The following YY1AP1 variants were observed in gnomAD, a reference collection of about 807,000 sequenced individuals.
YY1AP1 encodes the protein YY1-associated protein 1.
YY1AP1 carries 43 observed loss-of-function variants against 39.9 expected under a neutral mutation model. That is an observed-to-expected ratio of 1.08 (90% CI 0.84 to 1.39). The LOEUF (loss-of-function observed/expected upper bound fraction) is 1.39. Among genes scored for constraint, YY1AP1 ranks in the 40% most tolerant of loss-of-function variants. YY1AP1 has a pLI of 0.00. For missense variants in YY1AP1, 813 were observed against 900.7 expected (o/e 0.90, Z 1.25); for synonymous variants, 292 against 331.3 (o/e 0.88, Z 1.29).
At chr1:155,688,281 A>G (rs747330339) in intron 1 of YY1AP1, 80 bp from the exon 2 acceptor site, 7 of 1,588,038 alleles carry the variant, frequency 4.4e-6, no homozygotes, top group East Asian at 2.3e-5. Flanking sequence ...CCCGCAACCG[A>G]CACTGGGATC....
rs544125984 is a variant in YY1AP1, at chr1:155,660,079, A to C, written c.1831T>G (p.Ser611Ala). The change falls in exon 11 of 11, where the codon TCC (serine) becomes GCC (alanine). Residue 611 changes from serine (S) to alanine (A), a missense_variant. By Grantham distance (99) the Ser-to-Ala change is moderately conservative. Coordinates refer to ENST00000355499, the MANE Select transcript of YY1AP1 (RefSeq NM_139119.3). Reference sequence around the variant, plus strand: ...GAAACAATTAAGGGTGAGACAGAGGAGGCCACAAGGGGCTGGTTCAATGGA... The same window carrying C: ...GAAACAATTAAGGGTGAGACAGAGGCGGCCACAAGGGGCTGGTTCAATGGA... ...PCPLNQPLVA[S>A]SVSPLIVSGN... The C allele has an allele frequency of 9.3e-6, 15 of 1,614,206 alleles. No homozygotes were observed. The highest frequency in any genetic ancestry group is 3.3e-5 in the South Asian group (3 of 91,076).
At chr1:155,672,362 C>T in intron 7 of YY1AP1, 198 bp downstream of exon 7, 1 of 864,438 alleles carries the variant, frequency 1.2e-6, no homozygotes, top group Non-Finnish European at 1.9e-6. Context: ...CATGCCTTAC[C>T]CAGGCCCGGA....
chr1:155,679,919 G>C, intron 3 of YY1AP1: 1 of 435,146 alleles, frequency 2.3e-6, no homozygotes. Context: ...AAGATGTGCT[G>C]GCTCACACCT....
intron 9 of YY1AP1, among the ~76,000 whole-genome samples, chr1:155,666,275 C>A (rs1303442832): frequency 6.6e-6 from 1 of 152,078 alleles, no homozygotes; most frequent in Non-Finnish European, 1.5e-5. Context: ...GCGCCCGCCA[C>A]CACGCCCAGC....
chr1:155,669,536 C>G (rs1230152642), intron 8 of YY1AP1, among the ~76,000 whole-genome samples: 1 of 152,088 alleles, frequency 6.6e-6, no homozygotes, highest in Non-Finnish European at 1.5e-5. Flanking sequence ...ATATTAACAA[C>G]ACAAAGGAAG....
chr1:155,660,543 G>A lies in YY1AP1; in HGVS notation c.1367C>T (p.Pro456Leu). 6.2e-7 allele frequency: 1 copy of A among 1,614,130 alleles called. No individual in the cohort carries two copies. The highest frequency in any genetic ancestry group is 1.1e-5 in the South Asian group (1 of 91,088). ...TGGAACTGTCTGTAAAACAGTGGCT[G>A]GCTGTATTGGGTGAGGAATCCGGAG... ...MVLRIPHPIQ[P>L]ATVLQTVPGV... The change falls in exon 11 of 11, where the codon CCA (proline) becomes CTA (leucine). Residue 456 changes from proline (P) to leucine (L), a missense_variant. Pro to Leu is a moderately conservative substitution (Grantham distance 98, BLOSUM62 -3). Around this residue, in one of 3 missense-constraint regions of YY1AP1, gnomAD observed 586 missense variants for 647.4 expected, o/e 0.91. Transcript: ENST00000355499.
intron 3 of YY1AP1, chr1:155,679,822 G>C (rs1651262086): frequency 8.3e-7 from 1 of 1,204,682 alleles, no homozygotes. Context: ...GTAATTATTT[G>C]TGTGCAAAAT....
chr1:155,660,752 C>T lies in YY1AP1; in HGVS notation c.1158G>A (p.Lys386=), dbSNP rs141378369. The T allele has an allele frequency of 7.1e-4, 1,151 of 1,614,192 alleles. 5 individuals carry two copies. In the African/African-American group the frequency reaches 0.013, roughly 19 times the overall value. Residue 386 remains lysine, a synonymous_variant, in exon 11 of 11, where the codon AAG becomes AAA. Transcript: ENST00000355499. ...SETRYPLLLP[K]GVVLKLKPVA... The stretch of plus-strand genomic sequence containing the variant: ...CTGGCTTCAGTTTCAGGACTACACC[C>T]TTAGGCAATAGCAGTGGGTACCGAG...
chr1:155,659,578 C>T lies in YY1AP1; in HGVS notation c.*79G>A. 1 of 1,520,850 alleles carries T rather than the reference C, an allele frequency of 6.6e-7. No homozygotes were observed. Among genetic ancestry groups the T allele is most frequent in the Non-Finnish European group, 9.0e-7 (1 of 1,116,772 alleles). 94.2% of individuals were successfully genotyped at this position (1,520,850 alleles called of 1,614,324 possible). Reference sequence around the variant, plus strand: ...GGGTTTAAGTACCCTTTAGGGGTTTCCTATTGGTTACACCCTATGCGCCAC... The same window carrying T: ...GGGTTTAAGTACCCTTTAGGGGTTTTCTATTGGTTACACCCTATGCGCCAC... On this transcript the variant is annotated 3_prime_UTR_variant, in exon 11 of 11. Transcript: ENST00000355499.
At chr1:155,677,345 C>G (rs941409484) in intron 4 of YY1AP1, among the ~76,000 whole-genome samples, 14 of 152,174 alleles carry the variant, frequency 9.2e-5, no homozygotes, top group Non-Finnish European at 1.8e-4. Context: ...AGGTTCCTAA[C>G]CCTAACTTCC....
chr1:155,660,296 G>A lies in YY1AP1; in HGVS notation c.1614C>T (p.Ala538=), dbSNP rs1458103489. 1.9e-6 allele frequency: 3 copies of A among 1,614,196 alleles called. No individual in the cohort carries two copies. Among genetic ancestry groups the A allele is most frequent in the Non-Finnish European group, 2.5e-6 (3 of 1,180,038 alleles). The change falls in exon 11 of 11, where the codon GCC becomes GCT. Residue 538 remains alanine, a synonymous_variant. Transcript: ENST00000355499. The part of the protein sequence containing the change: ...RRPSKRRGAR[A]FRCIKPAPVI... ...CAGGGGCAGGTTTGATACAGCGAAA[G>A]GCCCTGGCTCCCCTTCTTTTTGAGG... is the stretch of plus-strand genomic sequence containing the variant.
chr1:155,660,354 G>C lies in YY1AP1; in HGVS notation c.1556C>G (p.Ser519Cys). ...PKVMMPSPAS[S>C]MFRKPYVRRR... ...TCTCACATATGGCTTTCGAAACATG[G>C]AAGAGGCAGGGGAGGGCATCATTAC... The change falls in exon 11 of 11, where the codon TCC becomes TGC. Residue 519 changes from serine (S) to cysteine (C), a missense_variant. Ser to Cys is a moderately radical substitution (Grantham distance 112, BLOSUM62 -1). This residue lies in a region of YY1AP1 where 586 missense variants were observed against 647.4 expected (regional missense o/e 0.91). Coordinates refer to ENST00000355499, the MANE Select transcript of YY1AP1 (RefSeq NM_139119.3). 2 of 1,614,156 alleles carry C rather than the reference G, an allele frequency of 1.2e-6. No individual in the cohort carries two copies. Among genetic ancestry groups the C allele is most frequent in the South Asian group, 2.2e-5 (2 of 91,070 alleles).
intron 1 of YY1AP1, 69 bp downstream of exon 1, chr1:155,688,590 T>C (rs1423496948): frequency 2.0e-6 from 3 of 1,535,950 alleles, no homozygotes; most frequent in Non-Finnish European, 2.6e-6. Flanking sequence ...CACGGGAACC[T>C]CCTCGCCCAG....
chr1:155,677,737 T>C (rs1330823983), intron 4 of YY1AP1, among the ~76,000 whole-genome samples: 1 of 152,166 alleles, frequency 6.6e-6, no homozygotes, highest in East Asian at 1.9e-4. Flanking sequence ...CAATCTTTAC[T>C]GAGAACTGAA....
intron 3 of YY1AP1, 148 bp from the exon 4 acceptor site, chr1:155,679,660 G>T: frequency 3.3e-6 from 5 of 1,522,032 alleles, no homozygotes; most frequent in Non-Finnish European, 4.4e-6. Flanking sequence ...TCTCACTTCA[G>T]GACTCCTACA....
chr1:155,678,945 C>A (rs1037567931), intron 4 of YY1AP1, among the ~76,000 whole-genome samples: 1 of 152,180 alleles, frequency 6.6e-6, no homozygotes, highest in African/African-American at 2.4e-5. Context: ...CAACTTTAGG[C>A]AAAAAGGTCA....
intron 2 of YY1AP1, among the ~76,000 whole-genome samples, chr1:155,685,117 A>T (rs1472749914): frequency 6.6e-6 from 1 of 152,244 alleles, no homozygotes; most frequent in Non-Finnish European, 1.5e-5. Flanking sequence ...CAGTTCCTTT[A>T]TACAAAAACA....
rs1653139464 is a variant in YY1AP1, at chr1:155,688,725, A to G, written c.-218T>C. On this transcript the variant is annotated 5_prime_UTR_variant, in exon 1 of 11. Transcript: ENST00000355499. The stretch of plus-strand genomic sequence containing the variant: ...CTCCTCCCCCTCCCTCCCCGCCCGC[A>G]CGGCCACCAACCGCCGCCAAAGCAG... 1.6e-5 allele frequency: 24 copies of G among 1,501,650 alleles called. No individual in the cohort carries two copies. The highest frequency in any genetic ancestry group is 2.5e-5 in the East Asian group (1 of 40,092). 93.0% of individuals were successfully genotyped at this position (1,501,650 alleles called of 1,614,324 possible).
chr1:155,660,242 A>G lies in YY1AP1; in HGVS notation c.1668T>C (p.Thr556=). The change falls in exon 11 of 11, where the codon ACT becomes ACC. Residue 556 remains threonine, a synonymous_variant. Coordinates refer to ENST00000355499, the MANE Select transcript of YY1AP1 (RefSeq NM_139119.3). The stretch of plus-strand genomic sequence containing the variant: ...CAATCTTCACAGTGGTAGCAGGAAC[A>G]GTGAAGATAACAGATGCAGGGTGGA... ...PVIHPASVIF[T]VPATTVKIVS... 6.2e-7 allele frequency: 1 copy of G among 1,614,260 alleles called. No individual in the cohort carries two copies. Among genetic ancestry groups the G allele is most frequent in the Non-Finnish European group, 8.5e-7 (1 of 1,180,048 alleles).
Sources: gnomAD v4.1 joint callset for allele counts (sites outside exome capture counted in the v4.1 genomes callset) on GRCh38, gnomAD v4.1.1 for gene constraint, gnomAD v4.1.1 regional missense constraint, MANE v1.5 for transcripts, NCBI Gene and HGNC (gene_info 2026-07-23, HGNC 2026-07-21) for gene names.